ASF1A: variants seen among roughly 807,000 people sequenced by gnomAD.
ASF1A encodes the protein histone chaperone ASF1A.
A neutral mutation model predicts 22.0 loss-of-function variants in ASF1A; 5 were observed. That is an observed-to-expected ratio of 0.23 (90% CI 0.12 to 0.48). The LOEUF is 0.48. Ranked by LOEUF, ASF1A falls within the 20% of genes least tolerant of loss-of-function variation. The pLI is 0.99. For missense variants in ASF1A, 137 were observed against 240.6 expected, an observed-to-expected ratio of 0.57 and a Z score of 2.85; for synonymous variants, 97 against 86.7, an observed-to-expected ratio of 1.12 and a Z score of -0.66.
chr6:118,898,029 A>T (rs1305756783), intron 1 of ASF1A, among the ~76,000 whole-genome samples: 1 of 152,126 alleles, frequency 6.6e-6, no homozygotes, highest in Non-Finnish European at 1.5e-5. Context: ...CCCTTATTCC[A>T]CTGCTAATTT....
chr6:118,895,422 A>G (rs1327133473), intron 1 of ASF1A, among the ~76,000 whole-genome samples: 1 of 152,224 alleles, frequency 6.6e-6, no homozygotes, highest in East Asian at 1.9e-4. Flanking sequence ...AATAATTTCC[A>G]GGACTTAATC....
intron 3 of ASF1A, among the ~76,000 whole-genome samples, 171 bp downstream of exon 3, chr6:118,905,999 A>C (rs1780152593): frequency 6.6e-6 from 1 of 152,102 alleles, no homozygotes; most frequent in South Asian, 2.1e-4. Flanking sequence ...ATGACTTCAA[A>C]CCCTACCTTC....
intron 1 of ASF1A, 110 bp downstream of exon 1, chr6:118,894,632 G>A: frequency 2.1e-6 from 2 of 972,584 alleles, no homozygotes; most frequent in Non-Finnish European, 3.1e-6. Context: ...TGGCGGCCGC[G>A]GGCTGCTCTG....
chr6:118,897,683 T>G (rs1376943164), intron 1 of ASF1A, among the ~76,000 whole-genome samples: 6 of 152,126 alleles, frequency 3.9e-5, no homozygotes, highest in African/African-American at 1.4e-4. Flanking sequence ...GGTAAATCAT[T>G]TAATCATGAT....
intron 1 of ASF1A, among the ~76,000 whole-genome samples, chr6:118,898,418 T>C (rs904698764): frequency 1.3e-5 from 2 of 150,210 alleles, no homozygotes; most frequent in Admixed American, 1.3e-4. Context: ...AAAACCTTTA[T>C]GTAATAATTT....
At position 118,894,448 on chromosome 6, in the gene ASF1A, T is replaced by A. The variant is rs1194234266; in HGVS notation, c.35T>A (p.Leu12Gln). 6.5e-7 allele frequency: 1 copy of A among 1,537,178 alleles called. No homozygotes were observed. The highest frequency in any genetic ancestry group is 8.7e-7 in the Non-Finnish European group (1 of 1,146,822). ...AKVQVNNVVV[L>Q]DNPSPFYNPF... is the part of the protein sequence containing the mutation. Reference sequence around the variant, plus strand: ...GTTCAGGTGAACAATGTAGTGGTGCTGGATAACCCTTCTCCTTTCTACAAC... The same window carrying A: ...GTTCAGGTGAACAATGTAGTGGTGCAGGATAACCCTTCTCCTTTCTACAAC... The change falls in exon 1 of 4, where the codon CTG (leucine) becomes CAG (glutamine). Residue 12 changes from leucine (L) to glutamine (Q), a missense_variant. Around this residue, in one of 2 missense-constraint regions of ASF1A, gnomAD observed 96 missense variants for 196.7 expected, o/e 0.49. Coordinates refer to ENST00000229595, the MANE Select transcript of ASF1A (RefSeq NM_014034.3).
At chr6:118,897,449 T>C (rs1022649289) in intron 1 of ASF1A, among the ~76,000 whole-genome samples, 1 of 152,052 alleles carries the variant, frequency 6.6e-6, no homozygotes, top group Non-Finnish European at 1.5e-5. Flanking sequence ...AATTTATATA[T>C]ATATATATCT....
chr6:118,896,238 G>C (rs1469367605), intron 1 of ASF1A, among the ~76,000 whole-genome samples: 2 of 151,806 alleles, frequency 1.3e-5, no homozygotes, highest in Non-Finnish European at 2.9e-5. Context: ...GCAGCTACCA[G>C]GCCCATTTTT....
chr6:118,899,717 C>T (rs747764193), intron 1 of ASF1A, among the ~76,000 whole-genome samples: 2 of 152,148 alleles, frequency 1.3e-5, no homozygotes, highest in Non-Finnish European at 2.9e-5. Context: ...GTTACTATTT[C>T]TATTATCAAT....
At chr6:118,897,720 T>C (rs1287517890) in intron 1 of ASF1A, among the ~76,000 whole-genome samples, 4 of 152,050 alleles carry the variant, frequency 2.6e-5, no homozygotes, top group Non-Finnish European at 5.9e-5. Context: ...AAGTTAACTT[T>C]AAAATAAATG....
chr6:118,894,446 G>A lies in ASF1A; in HGVS notation c.33G>A (p.Val11=), dbSNP rs1779202302. MAKVQVNNVV[V]LDNPSPFYNP... is the part of the protein sequence containing the mutation. ...AGGTTCAGGTGAACAATGTAGTGGT[G>A]CTGGATAACCCTTCTCCTTTCTACA... The change falls in exon 1 of 4, where the codon GTG becomes GTA. Residue 11 remains valine (V), a synonymous_variant. Transcript: ENST00000229595. 9 of 1,537,032 alleles carry A rather than the reference G, an allele frequency of 5.9e-6. No individual in the cohort carries two copies. Among genetic ancestry groups the A allele is most frequent in the Non-Finnish European group, 7.8e-6 (9 of 1,146,832 alleles).
intron 1 of ASF1A, among the ~76,000 whole-genome samples, chr6:118,898,840 G>A (rs182323522): frequency 6.6e-6 from 1 of 152,288 alleles, no homozygotes; most frequent in Admixed American, 6.5e-5. Context: ...CACTTGTTTT[G>A]TAACTTAATT....
intron 1 of ASF1A, among the ~76,000 whole-genome samples, chr6:118,896,573 T>G (rs1779433406): frequency 6.6e-6 from 1 of 152,194 alleles, no homozygotes; most frequent in African/African-American, 2.4e-5. Flanking sequence ...ACAGTACTGG[T>G]GTCAAAAACA....
intron 1 of ASF1A, among the ~76,000 whole-genome samples, chr6:118,899,957 T>A (rs1779691317): frequency 6.6e-6 from 1 of 152,238 alleles, no homozygotes; most frequent in African/African-American, 2.4e-5. Flanking sequence ...AGGAGACTCC[T>A]CCAAAGAGTT....
intron 2 of ASF1A, 146 bp downstream of exon 2, chr6:118,901,027 T>A: frequency 1.6e-6 from 1 of 613,768 alleles, no homozygotes; most frequent in Non-Finnish European, 2.9e-6. Context: ...CATCATGTTT[T>A]AGGCAGTCTC....
At chr6:118,898,037 T>C (rs1264216123) in intron 1 of ASF1A, among the ~76,000 whole-genome samples, 1 of 152,202 alleles carries the variant, frequency 6.6e-6, no homozygotes, top group Non-Finnish European at 1.5e-5. Context: ...CCACTGCTAA[T>C]TTCAGAGCTA....
At chr6:118,894,817 C>G (rs765827001) in intron 1 of ASF1A, among the ~76,000 whole-genome samples, 5 of 152,212 alleles carry the variant, frequency 3.3e-5, no homozygotes, top group Admixed American at 2.6e-4. Context: ...CGCACTCGCT[C>G]CCGCTGCGCC....
intron 1 of ASF1A, among the ~76,000 whole-genome samples, chr6:118,894,785 G>C (rs971710335): frequency 6.6e-6 from 1 of 152,216 alleles, no homozygotes; most frequent in Non-Finnish European, 1.5e-5. Context: ...AGCTTTGTCT[G>C]CGGGCGGGCA....
At chr6:118,894,606 G>GCCGAACACAGCCGCCCA in intron 1 of ASF1A, 84 bp downstream of exon 1, 1 of 1,186,470 alleles carries the variant, frequency 8.4e-7, no homozygotes, top group Non-Finnish European at 1.2e-6. Flanking sequence ...CGCGCTGGGC[G>GCCGAACACAGCCGCCCA]GCTGTGTTCG....
Sources: allele counts gnomAD v4.1 joint callset (sites outside exome capture counted in the v4.1 genomes callset), GRCh38; gene constraint gnomAD v4.1.1; regional missense constraint gnomAD v4.1.1; transcripts MANE v1.5; gene names NCBI Gene and HGNC (gene_info 2026-07-23, HGNC 2026-07-21).